The following SLC1A2 variants were observed in gnomAD, a reference collection of about 807,000 sequenced individuals.
SLC1A2 encodes excitatory amino acid transporter 2.
SLC1A2 carries 15 observed loss-of-function variants against 48.8 expected under a neutral mutation model. The ratio of observed to expected loss-of-function variants is 0.31; its 90% CI spans 0.21 to 0.47. SLC1A2 has a LOEUF of 0.47. Among genes scored for constraint, SLC1A2 ranks in the 20% least tolerant of loss-of-function variants. The pLI, the probability that SLC1A2 is intolerant of heterozygous loss-of-function variation, is 0.99. For synonymous variants in SLC1A2, 279 were observed against 272.6 expected, an observed-to-expected ratio of 1.02 and a Z score of -0.23; for missense variants, 502 against 730.5, an observed-to-expected ratio of 0.69 and a Z score of 3.61.
Position 35,258,252 on chromosome 11 carries a change from T to C in SLC1A2, c.*2642A>G, listed in dbSNP as rs772867663. On this transcript the variant is annotated 3_prime_UTR_variant, in exon 11 of 11. Coordinates refer to ENST00000278379, the MANE Select transcript of SLC1A2 (RefSeq NM_004171.4). The stretch of plus-strand genomic sequence containing the variant: ...AGATAAGTGTGATTTTCTAAGTATA[T>C]TCTCACGAGACTTCCTGCACACAGT... 4 of 152,374 alleles carry C rather than the reference T, an allele frequency of 2.6e-5. No homozygotes were observed. The South Asian group carries it at 8.3e-4, about 32-fold the overall frequency. The allele number at this position is 152,374 out of a possible 1,614,324, so 9.4% of individuals were successfully genotyped here. A position where few individuals can be genotyped will look rare whatever the true frequency, so the allele number is the denominator to read the frequency against.
At chr11:35,308,613 C>T (rs932814246) in intron 4 of SLC1A2, among the ~76,000 whole-genome samples, 1 of 152,126 alleles carries the variant, frequency 6.6e-6, no homozygotes, top group African/African-American at 2.4e-5. Flanking sequence ...CACAAAGGAG[C>T]CAAACTCATT....
intron 4 of SLC1A2, 172 bp downstream of exon 4, chr11:35,312,026 T>A: frequency 1.9e-6 from 1 of 521,310 alleles, no homozygotes; most frequent in East Asian, 3.4e-5. Flanking sequence ...ACCAGGAGAC[T>A]CCAATCCCAA....
rs1923288 is a variant in SLC1A2, at chr11:35,406,862, C to G, written c.17+12088G>C. 4.8e-3 allele frequency among the ~76,000 whole-genome samples: 726 copies of G among 152,038 alleles called. 8 individuals are homozygous for G. The highest frequency in any genetic ancestry group is 0.017 in the African/African-American group (685 of 41,422). On this transcript the variant is annotated intron_variant, in intron 1 of 10. Coordinates refer to ENST00000278379, the MANE Select transcript of SLC1A2 (RefSeq NM_004171.4). Reference sequence around the variant, plus strand: ...ATGAATCTAGAACCTAGAAAAAAGGCCTGAAATAGAAACATACATTTGGGA... The same window carrying G: ...ATGAATCTAGAACCTAGAAAAAAGGGCTGAAATAGAAACATACATTTGGGA...
chr11:35,291,419 A>C (rs1435299750), intron 7 of SLC1A2: 2 of 151,802 alleles, frequency 1.3e-5, no homozygotes, highest in Non-Finnish European at 2.9e-5. Context: ...CCCCCACCGC[A>C]CCTGGCTAAT....
At chr11:35,284,024 G>A (rs538424738) in intron 8 of SLC1A2, among the ~76,000 whole-genome samples, 4 of 147,720 alleles carry the variant, frequency 2.7e-5, no homozygotes, top group South Asian at 4.3e-4. Flanking sequence ...TTCCCATTAC[G>A]CAGATGAGGA....
chr11:35,333,945 C>G (rs1852524436), intron 1 of SLC1A2, among the ~76,000 whole-genome samples: 1 of 151,430 alleles, frequency 6.6e-6, no homozygotes, highest in East Asian at 1.9e-4. Context: ...TCCAAAAGTG[C>G]TGGGATTACA....
In SLC1A2 at chr11:35,371,170, C is replaced by T. The variant is rs538647548; in HGVS notation, c.17+47780G>A. 6.3e-6 allele frequency: 4 copies of T among 638,218 alleles called. No homozygotes were observed. In the African/African-American group the frequency reaches 7.9e-5, roughly 13 times the overall value. 39.5% of individuals were successfully genotyped at this position (638,218 alleles called of 1,614,324 possible). On this transcript the variant is annotated intron_variant, in intron 1 of 10. Transcript: ENST00000278379. The stretch of plus-strand genomic sequence containing the variant: ...CCTAAAGCAACCTACTTTGTCTCAC[C>T]CACTGTTGAAACTCTGAATGCAAGC...
chr11:35,420,266 T>C (rs1442851250), upstream of SLC1A2, among the ~76,000 whole-genome samples: 1 of 151,582 alleles, frequency 6.6e-6, no homozygotes, highest in Non-Finnish European at 1.5e-5. Flanking sequence ...CGCCGCCTGC[T>C]TCCGTGTCCC....
intron 1 of SLC1A2, among the ~76,000 whole-genome samples, chr11:35,394,740 G>A (rs1003723360): frequency 3.3e-5 from 5 of 152,218 alleles, no homozygotes; most frequent in Non-Finnish European, 4.4e-5. Flanking sequence ...GAGGCTTGGA[G>A]AGGCACAGTA....
intron 1 of SLC1A2, among the ~76,000 whole-genome samples, chr11:35,332,414 G>A (rs185249051): frequency 4.3e-4 from 66 of 152,314 alleles, no homozygotes; most frequent in African/African-American, 1.3e-3. Context: ...GTTTCTCGCC[G>A]AGTGACTTAT....
Position 35,258,601 on chromosome 11 carries a change from G to A in SLC1A2, c.*2293C>T, listed in dbSNP as rs968815892. 11 of 152,584 alleles carry A rather than the reference G, an allele frequency of 7.2e-5. No individual in the cohort carries two copies. The highest frequency in any genetic ancestry group is 2.4e-4 in the African/African-American group (10 of 41,432). 9.5% of individuals were successfully genotyped at this position (152,584 alleles called of 1,614,324 possible). ...AAAGAAAATCCTAAACAGTTTCACA[G>A]CTAAACCCAGGAACTGTCTCCTTAA... On this transcript the variant is annotated 3_prime_UTR_variant, in exon 11 of 11. Coordinates refer to ENST00000278379, the MANE Select transcript of SLC1A2 (RefSeq NM_004171.4).
At chr11:35,386,369 A>C (rs1854583929) in intron 1 of SLC1A2, among the ~76,000 whole-genome samples, 1 of 152,162 alleles carries the variant, frequency 6.6e-6, no homozygotes, top group African/African-American at 2.4e-5. Context: ...GTCATTTAAA[A>C]TAAATATGGT....
chr11:35,261,712 C>T (rs1324744108), intron 10 of SLC1A2: 1 of 398,398 alleles, frequency 2.5e-6, no homozygotes, highest in African/African-American at 2.1e-5. Flanking sequence ...AACTTAAACC[C>T]ACGACTGATA....
At chr11:35,351,130 T>G (rs985850551) in intron 1 of SLC1A2, among the ~76,000 whole-genome samples, 7 of 152,158 alleles carry the variant, frequency 4.6e-5, no homozygotes, top group African/African-American at 1.7e-4. Context: ...AATAACCCAG[T>G]GAAATACATA....
chr11:35,284,361 G>A (rs1850745790), intron 8 of SLC1A2, among the ~76,000 whole-genome samples: 1 of 152,034 alleles, frequency 6.6e-6, no homozygotes, highest in African/African-American at 2.4e-5. Context: ...GCATATGCCA[G>A]CATTTGGAAA....
intron 7 of SLC1A2, 135 bp from the exon 8 acceptor site, chr11:35,287,086 C>T: frequency 2.8e-6 from 2 of 704,600 alleles, no homozygotes; most frequent in South Asian, 1.8e-5. Flanking sequence ...TGCAAAAAAG[C>T]AGTATCTGGA....
At chr11:35,358,060 G>A (rs76501819) in intron 1 of SLC1A2, among the ~76,000 whole-genome samples, 4,264 of 151,950 alleles carry the variant, frequency 0.028, 67 homozygotes, top group Middle Eastern at 0.044. Flanking sequence ...CAGTAGAATC[G>A]CTCAAACCCA....
In SLC1A2 at chr11:35,259,894, A is replaced by C. The variant is rs1269466921; in HGVS notation, c.*1000T>G. 6.6e-6 allele frequency: 1 copy of C among 152,370 alleles called. No individual in the cohort carries two copies. Among genetic ancestry groups the C allele is most frequent in the Admixed American group, 6.5e-5 (1 of 15,304 alleles). The allele number at this position is 152,370 out of a possible 1,614,324, so 9.4% of individuals were successfully genotyped here. A position where few individuals can be genotyped will look rare whatever the true frequency, so the allele number is the denominator to read the frequency against. ...ACACAAGTGTCTTCCATGTGTGAGG[A>C]CAGTAAAATGACCAGGCTTTCTAGG... On this transcript the variant is annotated 3_prime_UTR_variant, in exon 11 of 11. Coordinates refer to ENST00000278379, the MANE Select transcript of SLC1A2 (RefSeq NM_004171.4).
intron 1 of SLC1A2, chr11:35,322,641 A>G (rs754826157): frequency 2.6e-6 from 4 of 1,535,144 alleles, no homozygotes; most frequent in Non-Finnish European, 3.5e-6. Context: ...GGAGATAAAG[A>G]TGTCCAGAGA....
Sources: allele counts gnomAD v4.1 joint callset (sites outside exome capture counted in the v4.1 genomes callset), GRCh38; gene constraint gnomAD v4.1.1; transcripts MANE v1.5; gene names NCBI Gene and HGNC (gene_info 2026-07-23, HGNC 2026-07-21).